FLG: variants seen among roughly 807,000 people sequenced by gnomAD.
FLG encodes the protein epidermal filaggrin.
Under a neutral mutation model 3.8 loss-of-function variants are expected in FLG, and 6 were observed. The observed-to-expected ratio is 1.60, with a 90% CI of 0.87 to 3.15. The LOEUF is 3.15. Ranked by LOEUF, FLG falls within the 30% of genes most tolerant of loss-of-function variation. FLG has a pLI of 0.00. For missense variants in FLG, 7,595 were observed against 5,050.9 expected (o/e 1.50, Z -15.27); for synonymous variants, 2,551 against 1,931.6 (o/e 1.32, Z -8.41).
In FLG at chr1:152,309,581, C is replaced by T; in HGVS notation, c.5305G>A (p.Val1769Met). 2 of 1,613,890 alleles carry T rather than the reference C, an allele frequency of 1.2e-6. No homozygotes were observed. The highest frequency in any genetic ancestry group is 1.1e-5 in the South Asian group (1 of 91,062). The part of the protein sequence containing the change: ...SGRSGSFLYQ[V>M]STHEQSESAH... ...GACTCAGACTGTTCATGAGTGCTCA[C>T]CTGGTAGAGGAAAGACCCTGAACGT... Residue 1769 changes from valine (V) to methionine (M), a missense_variant, in exon 3 of 3, where the codon GTG becomes ATG. By Grantham distance (21) the Val-to-Met change is conservative (BLOSUM62 1). Coordinates refer to ENST00000368799, the MANE Select transcript of FLG (RefSeq NM_002016.2).
rs778135195 is a variant in FLG at position 152,304,979 on chromosome 1, C to T, written c.9907G>A (p.Gly3303Arg). The T allele has an allele frequency of 1.2e-5, 19 of 1,613,624 alleles. No homozygotes were observed. The highest frequency in any genetic ancestry group is 6.6e-5 in the South Asian group (6 of 91,010). The change falls in exon 3 of 3, where the codon GGA becomes AGA. Residue 3303 changes from glycine to arginine, a missense_variant. Transcript: ENST00000368799. ...QARSSPGERH[G>R]SRHQQSADSS... ...TCTGCTGACTGCTGGTGGCGGGATC[C>T]GTGTCTCTCTCCTGGACTTGATCTT... is the stretch of plus-strand genomic sequence containing the variant.
chr1:152,308,525 G>C lies in FLG; in HGVS notation c.6361C>G (p.Gln2121Glu). ...GAGTGCCTGGAGCTGTCTTGTGCCT[G>C]ATCATAATGGGATCCTTGTCTTCCT... ...TGGRQGSHYD[Q>E]AQDSSRHSAS... is the part of the protein sequence containing the mutation. The change falls in exon 3 of 3, where the codon CAG (glutamine) becomes GAG (glutamate). Residue 2121 changes from glutamine (Q) to glutamate (E), a missense_variant. Coordinates refer to ENST00000368799, the MANE Select transcript of FLG (RefSeq NM_002016.2). The C allele has an allele frequency of 6.2e-7, 1 of 1,613,740 alleles. No homozygotes were observed. Among genetic ancestry groups the C allele is most frequent in the Non-Finnish European group, 8.5e-7 (1 of 1,179,762 alleles).
Position 152,303,160 on chromosome 1 carries a change from G to A in FLG, c.11726C>T (p.Thr3909Ile). 6.2e-7 allele frequency: 1 copy of A among 1,614,196 alleles called. No individual in the cohort carries two copies. Among genetic ancestry groups the A allele is most frequent in the South Asian group, 1.1e-5 (1 of 91,082 alleles). ...AGGTGAAGACTGTACATGACTGGCTGTATCGCGGTGAGAGGATCCGGGGTG... is the reference window on the plus strand; with the variant it reads ...AGGTGAAGACTGTACATGACTGGCTATATCGCGGTGAGAGGATCCGGGGTG... Reference protein sequence around the residue: ...SRHPGSSHRDTASHVQSSPVQ... With the variant: ...SRHPGSSHRDIASHVQSSPVQ... The change falls in exon 3 of 3, where the codon ACA becomes ATA. Residue 3909 changes from threonine to isoleucine, a missense_variant. Coordinates refer to ENST00000368799, the MANE Select transcript of FLG (RefSeq NM_002016.2).
In FLG at chr1:152,305,040, G is replaced by C. The variant is rs768693901; in HGVS notation, c.9846C>G (p.Ser3282=). The C allele has an allele frequency of 7.4e-6, 12 of 1,613,856 alleles. No homozygotes were observed. Among genetic ancestry groups the C allele is most frequent in the Admixed American group, 1.7e-5 (1 of 59,992 alleles). The change falls in exon 3 of 3, where the codon TCC becomes TCG. Residue 3282 remains serine (S), a synonymous_variant. Coordinates refer to ENST00000368799, the MANE Select transcript of FLG (RefSeq NM_002016.2). ...RQSGTRHAET[S]SGGQAASSHE... is the part of the protein sequence containing the mutation. ...GGGATGATGCAGCCTGTCCACCAGA[G>C]GAAGTCTCTGCGTGACGAGTGCCTG...
In FLG at chr1:152,311,141, G is replaced by A. The variant is rs974058013; in HGVS notation, c.3745C>T (p.His1249Tyr). Residue 1249 changes from histidine to tyrosine, a missense_variant, in exon 3 of 3, where the codon CAC becomes TAC. Physicochemically the swap from His to Tyr is moderately conservative, Grantham distance 83. Transcript: ENST00000368799. ...GATTGTTCCTGTCCCACCTGTGAGT[G>A]TCTAGAGCTGTCAGCCCAAGAGGCA... is the stretch of plus-strand genomic sequence containing the variant. ...EAASWADSSR[H>Y]SQVGQEQSSG... 3.1e-6 allele frequency: 5 copies of A among 1,613,912 alleles called. No homozygotes were observed. The highest frequency in any genetic ancestry group is 8.5e-7 in the Non-Finnish European group (1 of 1,179,998).
Position 152,312,930 on chromosome 1 carries a change from C to A in FLG, c.1956G>T (p.Gln652His). 1 of 1,614,036 alleles carries A rather than the reference C, an allele frequency of 6.2e-7. No homozygotes were observed. The highest frequency in any genetic ancestry group is 8.5e-7 in the Non-Finnish European group (1 of 1,180,032). Reference protein sequence around the residue: ...SRNHHGSAQEQSRDGSRHPRS... With the variant: ...SRNHHGSAQEHSRDGSRHPRS... Reference sequence around the variant, plus strand: ...TGGGGTGTCTGGAGCCATCTCTTGACTGCTCCTGAGCAGATCCATGATGGT... The same window carrying A: ...TGGGGTGTCTGGAGCCATCTCTTGAATGCTCCTGAGCAGATCCATGATGGT... The change falls in exon 3 of 3, where the codon CAG (glutamine) becomes CAT (histidine). Residue 652 changes from glutamine (Q) to histidine (H), a missense_variant. By Grantham distance (24) the Gln-to-His change is conservative (BLOSUM62 0). Coordinates refer to ENST00000368799, the MANE Select transcript of FLG (RefSeq NM_002016.2).
At position 152,307,821 on chromosome 1, in the gene FLG, G is replaced by T. The variant is rs1375505473; in HGVS notation, c.7065C>A (p.Val2355=). ...GIGHGQASSA[V]RDSGHRGSSG... ...TGGACCCTCGGTGTCCACTGTCTCT[G>T]ACTGCAGATGAAGCTTGTCCGTGCC... is the stretch of plus-strand genomic sequence containing the variant. The change falls in exon 3 of 3, where the codon GTC becomes GTA. Residue 2355 remains valine, a synonymous_variant. Coordinates refer to ENST00000368799, the MANE Select transcript of FLG (RefSeq NM_002016.2). The T allele has an allele frequency of 6.2e-7, 1 of 1,613,312 alleles. No homozygotes were observed. The highest frequency in any genetic ancestry group is 1.7e-5 in the Admixed American group (1 of 59,966).
intron 1 of FLG, among the ~76,000 whole-genome samples, chr1:152,320,203 A>T (rs1409503129): frequency 6.6e-6 from 1 of 151,292 alleles, no homozygotes; most frequent in Non-Finnish European, 1.5e-5. Flanking sequence ...AGTCAAGAAT[A>T]GAAAAAGAAA....
At chr1:152,315,501 A>T in intron 1 of FLG, 24 bp from the exon 2 acceptor site, 1 of 1,536,712 alleles carries the variant, frequency 6.5e-7, no homozygotes, top group Non-Finnish European at 8.9e-7. Context: ...ATGAAAATGC[A>T]CTTTTTTATA....
In FLG at chr1:152,312,838, C is replaced by T. The variant is rs111657882; in HGVS notation, c.2048G>A (p.Arg683His). The stretch of plus-strand genomic sequence containing the variant: ...TCCACTAGAGGAATTCTGTGTGTGA[C>T]GAGTGCCTGATTTTCTGGAGCTGTC... ...SADSSRKSGT[R>H]HTQNSSSGQA... Residue 683 changes from arginine to histidine, a missense_variant, in exon 3 of 3, where the codon CGT (arginine) becomes CAT (histidine). Transcript: ENST00000368799. 213 of 1,613,932 alleles carry T rather than the reference C, an allele frequency of 1.3e-4. No individual in the cohort carries two copies. Among genetic ancestry groups the T allele is most frequent in the East Asian group, 4.0e-4 (18 of 44,870 alleles).
rs1170165424 is a variant in FLG, at chr1:152,314,303, C to T, written c.583G>A (p.Asp195Asn). 3.1e-6 allele frequency: 5 copies of T among 1,613,248 alleles called. No individual in the cohort carries two copies. The Admixed American group carries it at 6.7e-5, about 22-fold the overall frequency. The change falls in exon 3 of 3, where the codon GAC becomes AAC. Residue 195 changes from aspartate to asparagine, a missense_variant. Transcript: ENST00000368799. ...KNKTENTRLG[D>N]NRKRLSERLE... ...CTTTCACTTAGCCTCTTCCTATTGT[C>T]TCCTAATCTAGTATTTTCAGTCTTG...
At chr1:152,318,521 A>G (rs1652859520) in intron 1 of FLG, among the ~76,000 whole-genome samples, 1 of 151,718 alleles carries the variant, frequency 6.6e-6, no homozygotes, top group African/African-American at 2.4e-5. Flanking sequence ...CTTCTACTCA[A>G]TCTCAAAAGG....
chr1:152,321,061 TATACAC>T (rs984153374), intron 1 of FLG, among the ~76,000 whole-genome samples: 48 of 151,042 alleles, frequency 3.2e-4, no homozygotes, highest in Non-Finnish European at 5.4e-4. Flanking sequence ...CCTATATATA[TATACAC>T]ACACACATAT....
chr1:152,316,775 ATT>A (rs1214160927), intron 1 of FLG, among the ~76,000 whole-genome samples: 1 of 151,938 alleles, frequency 6.6e-6, no homozygotes, highest in Non-Finnish European at 1.5e-5. Flanking sequence ...TAACCTCTCT[ATT>A]TACTGCTTTA....
chr1:152,320,226 G>GAGAT (rs1445109426), intron 1 of FLG, among the ~76,000 whole-genome samples: 1 of 151,020 alleles, frequency 6.6e-6, no homozygotes, highest in Non-Finnish European at 1.5e-5. Context: ...CAGAACAGGT[G>GAGAT]AGATAGTAGA....
At position 152,305,301 on chromosome 1, in the gene FLG, T is replaced by A. The variant is rs1416610913; in HGVS notation, c.9585A>T (p.Ser3195=). Residue 3195 remains serine (S), a synonymous_variant, in exon 3 of 3, where the codon TCA becomes TCT. Coordinates refer to ENST00000368799, the MANE Select transcript of FLG (RefSeq NM_002016.2). ...ASTHADISRH[S]QAVQGQSEGS... is the part of the protein sequence containing the mutation. ...CCTCTGATTGTCCCTGGACTGCCTGTGAGTGTCTAGAGATGTCGGCATGAG... is the reference window on the plus strand; with the variant it reads ...CCTCTGATTGTCCCTGGACTGCCTGAGAGTGTCTAGAGATGTCGGCATGAG... 2 of 1,611,398 alleles carry A rather than the reference T, an allele frequency of 1.2e-6. No individual in the cohort carries two copies.
At position 152,303,288 on chromosome 1, in the gene FLG, G is replaced by A. The variant is rs779638257; in HGVS notation, c.11598C>T (p.Asp3866=). ...SRRQGSSVSQ[D]SDSEAYPEDS... ...CCTCTGGGTATGCCTCACTGTCACT[G>A]TCCTGGCTAACACTGGATCCCTGGC... The change falls in exon 3 of 3, where the codon GAC becomes GAT. Residue 3866 remains aspartate (D), a synonymous_variant. Coordinates refer to ENST00000368799, the MANE Select transcript of FLG (RefSeq NM_002016.2). 4.6e-5 allele frequency: 75 copies of A among 1,613,970 alleles called. No homozygotes were observed. The highest frequency in any genetic ancestry group is 6.0e-5 in the Non-Finnish European group (71 of 1,180,038).
chr1:152,314,813 C>T (rs1386838869), intron 2 of FLG, 66 bp from the exon 3 acceptor site: 1 of 1,595,622 alleles, frequency 6.3e-7, no homozygotes, highest in African/African-American at 1.3e-5. Context: ...CCAATTAATT[C>T]AAAGTTAATT....
In FLG at chr1:152,311,812, G is replaced by A. The variant is rs760990638; in HGVS notation, c.3074C>T (p.Ala1025Val). ...GGQAASSHEQARSSPGERHGS... is the reference protein window; with the variant it reads ...GGQAASSHEQVRSSPGERHGS... ...GTGTCTTTCTCCTGGACTTGATCTT[G>A]CCTGTTCATGGGATGACGCAGCCTG... The change falls in exon 3 of 3, where the codon GCA becomes GTA. Residue 1025 changes from alanine to valine, a missense_variant. Transcript: ENST00000368799. 2.5e-6 allele frequency: 4 copies of A among 1,614,100 alleles called. No homozygotes were observed. The highest frequency in any genetic ancestry group is 2.2e-5 in the South Asian group (2 of 91,066).
Sources: allele counts gnomAD v4.1 joint callset (sites outside exome capture counted in the v4.1 genomes callset), GRCh38; gene constraint gnomAD v4.1.1; transcripts MANE v1.5; gene names NCBI Gene and HGNC (gene_info 2026-07-23, HGNC 2026-07-21).